Variants in CIBAR1 observed in about 807,000 individuals in gnomAD.
CIBAR1 encodes the protein CBY1-interacting BAR domain-containing protein 1.
In CIBAR1, 25 loss-of-function variants were observed where a neutral mutation model predicts 44.0. The observed-to-expected ratio is 0.57, with a 90% CI of 0.41 to 0.79. CIBAR1 has a LOEUF of 0.79. Among genes scored for constraint, CIBAR1 ranks in the 30% least tolerant of loss-of-function variants. The pLI, the probability that CIBAR1 is intolerant of heterozygous loss-of-function variation, is 0.00. For synonymous variants in CIBAR1, 115 were observed against 119.0 expected (o/e 0.97, Z 0.22); for missense variants, 278 against 344.8 (o/e 0.81, Z 1.53).
chr8:93,718,768 G>C lies in CIBAR1; in HGVS notation c.637G>C (p.Asp213His), dbSNP rs765281776. 44 of 1,548,794 alleles carry C rather than the reference G, an allele frequency of 2.8e-5. No individual in the cohort carries two copies. Among genetic ancestry groups the C allele is most frequent in the Non-Finnish European group, 3.8e-5 (43 of 1,142,148 alleles). Residue 213 changes from aspartate to histidine, a missense_variant, in exon 7 of 9, where the codon GAT (aspartate) becomes CAT (histidine). Around this residue, in one of 3 missense-constraint regions of CIBAR1, gnomAD observed 93 missense variants for 108.9 expected, o/e 0.85. Transcript: ENST00000518322. ...TGCCTACCAGAATATACAAAACATT[G>C]ATGAAGATGAAGATTTAGAGGTAGG... ...TAAYQNIQNI[D>H]EDEDLEVFRN...
intron 8 of CIBAR1, among the ~76,000 whole-genome samples, chr8:93,727,395 A>G (rs2130394214): frequency 6.6e-6 from 1 of 152,306 alleles, no homozygotes; most frequent in African/African-American, 2.4e-5. Flanking sequence ...ATTTACTTTT[A>G]TAGTCCATAT....
At position 93,728,488 on chromosome 8, in the gene CIBAR1, C is replaced by T. The variant is rs1032414365; in HGVS notation, c.*191C>T. ...TATTGCATACCAGTCATTTCAACAT[C>T]CTACCTAGTGTTACATGATTTTTGT... On this transcript the variant is annotated 3_prime_UTR_variant, in exon 9 of 9. Coordinates refer to ENST00000518322, the MANE Select transcript of CIBAR1 (RefSeq NM_145269.5). 1 of 448,608 alleles carries T rather than the reference C, an allele frequency of 2.2e-6. No individual in the cohort carries two copies. Among genetic ancestry groups the T allele is most frequent in the Non-Finnish European group, 4.0e-6 (1 of 251,956 alleles). The allele number at this position is 448,608 out of a possible 1,614,324, so 27.8% of individuals were successfully genotyped here.
At chr8:93,727,584 A>G (rs1811578507) in intron 8 of CIBAR1, among the ~76,000 whole-genome samples, 1 of 152,188 alleles carries the variant, frequency 6.6e-6, no homozygotes, top group South Asian at 2.1e-4. Flanking sequence ...CATCAAGCAG[A>G]TATTAGCATC....
intron 7 of CIBAR1, chr8:93,719,869 A>T (rs1341148601): frequency 6.6e-6 from 1 of 152,148 alleles, no homozygotes; most frequent in Non-Finnish European, 1.5e-5. Context: ...CTAATATAGA[A>T]GTGAAAAAAG....
At chr8:93,701,608 T>C (rs1810361928) in intron 2 of CIBAR1, 150 bp downstream of exon 2, 1 of 675,704 alleles carries the variant, frequency 1.5e-6, no homozygotes, top group South Asian at 2.0e-5. Flanking sequence ...TGTGTGAGTC[T>C]ATTAAAGAGA....
At chr8:93,702,227 C>G (rs563577694) in intron 2 of CIBAR1, 137 of 426,150 alleles carry the variant, frequency 3.2e-4, no homozygotes, top group African/African-American at 2.7e-3. Flanking sequence ...TTGAACTCAT[C>G]ATTGCTATCC....
At chr8:93,713,601 A>G (rs905020953) in intron 6 of CIBAR1, among the ~76,000 whole-genome samples, 2 of 152,208 alleles carry the variant, frequency 1.3e-5, no homozygotes, top group African/African-American at 4.8e-5. Flanking sequence ...TGTTCTCTTA[A>G]CAATTTTATA....
At chr8:93,727,986 A>G (rs1219208323) in intron 8 of CIBAR1, among the ~76,000 whole-genome samples, 1 of 152,050 alleles carries the variant, frequency 6.6e-6, no homozygotes, top group Non-Finnish European at 1.5e-5. Context: ...CTAAAATCAA[A>G]TGGCTAATTA....
At chr8:93,707,750 A>AT (rs1810655286) in intron 4 of CIBAR1, among the ~76,000 whole-genome samples, 1 of 152,134 alleles carries the variant, frequency 6.6e-6, no homozygotes, top group Non-Finnish European at 1.5e-5. Flanking sequence ...AGTTTGTATG[A>AT]TTTTTTAAAA....
At chr8:93,721,606 C>T (rs1198514919) in intron 7 of CIBAR1, among the ~76,000 whole-genome samples, 1 of 152,104 alleles carries the variant, frequency 6.6e-6, no homozygotes, top group African/African-American at 2.4e-5. Context: ...CAGCTTCCTC[C>T]TTTCTAAAAT....
At chr8:93,703,711 T>C in intron 3 of CIBAR1, 23 bp downstream of exon 3, 1 of 1,530,278 alleles carries the variant, frequency 6.5e-7, no homozygotes, top group Non-Finnish European at 8.8e-7. Flanking sequence ...ATTTTCTCAC[T>C]TAACTGTGAG....
intron 7 of CIBAR1, among the ~76,000 whole-genome samples, chr8:93,723,803 T>C (rs918420304): frequency 6.6e-6 from 1 of 152,118 alleles, no homozygotes. Flanking sequence ...AAAGATGGCG[T>C]TTTACATTGT....
chr8:93,726,058 G>C, intron 7 of CIBAR1: 1 of 199,154 alleles, frequency 5.0e-6, no homozygotes, highest in South Asian at 9.2e-5. Flanking sequence ...AGAACAGAAA[G>C]ATTCAAAGGT....
intron 7 of CIBAR1, among the ~76,000 whole-genome samples, chr8:93,722,200 A>G (rs568876807): frequency 6.6e-6 from 1 of 152,354 alleles, no homozygotes; most frequent in East Asian, 1.9e-4. Flanking sequence ...TCAAACAGGT[A>G]CCTACCAAGA....
chr8:93,701,094 C>CG, intron 1 of CIBAR1, 130 bp from the exon 2 acceptor site: 2 of 1,487,432 alleles, frequency 1.3e-6, no homozygotes, highest in Non-Finnish European at 1.8e-6. Flanking sequence ...CGCCGGGAGA[C>CG]GCTGGGTCGT....
At chr8:93,714,927 T>C (rs776353409) in intron 6 of CIBAR1, among the ~76,000 whole-genome samples, 1 of 152,246 alleles carries the variant, frequency 6.6e-6, no homozygotes, top group African/African-American at 2.4e-5. Flanking sequence ...GGAACATTCC[T>C]ATTCTTACCT....
intron 8 of CIBAR1, chr8:93,726,729 A>G (rs1442349243): frequency 2.5e-5 from 13 of 515,420 alleles, no homozygotes; most frequent in Middle Eastern, 3.7e-4. Context: ...TCTCTAAAGC[A>G]TAACACTTGA....
intron 3 of CIBAR1, among the ~76,000 whole-genome samples, chr8:93,704,539 T>C (rs1037417242): frequency 1.1e-4 from 16 of 152,162 alleles, no homozygotes; most frequent in African/African-American, 3.9e-4. Flanking sequence ...CTAATAGGCC[T>C]GGGGGTTGGG....
intron 7 of CIBAR1, chr8:93,721,091 G>T (rs1272041517): frequency 6.6e-6 from 1 of 152,186 alleles, no homozygotes; most frequent in Non-Finnish European, 1.5e-5. Flanking sequence ...CTCATAGCTA[G>T]TAAGTAGCAG....
Sources: gnomAD v4.1 joint callset for allele counts (sites outside exome capture counted in the v4.1 genomes callset) on GRCh38, gnomAD v4.1.1 for gene constraint, gnomAD v4.1.1 regional missense constraint, MANE v1.5 for transcripts, NCBI Gene and HGNC (gene_info 2026-07-23, HGNC 2026-07-21) for gene names.